Variants in NXPH1 observed in about 807,000 individuals in gnomAD.
The protein encoded by NXPH1 is neurexophilin 1.
In NXPH1, 5 loss-of-function variants were observed where a neutral mutation model predicts 23.7. The ratio of observed to expected loss-of-function variants is 0.21; its 90% CI spans 0.11 to 0.44. NXPH1 has a LOEUF of 0.44. Ranked by LOEUF, NXPH1 falls within the 20% of genes least tolerant of loss-of-function variation. The pLI, the probability that NXPH1 is intolerant of heterozygous loss-of-function variation, is 0.99. For synonymous variants in NXPH1, 144 were observed against 122.2 expected (o/e 1.18, Z -1.18); for missense variants, 324 against 321.6 (o/e 1.01, Z -0.06).
chr7:8,563,089 G>A (rs1818475641), intron 2 of NXPH1, among the ~76,000 whole-genome samples: 1 of 151,646 alleles, frequency 6.6e-6, no homozygotes, highest in South Asian at 2.1e-4. Flanking sequence ...ATGCAAGATA[G>A]AACATTGACT....
intron 2 of NXPH1, among the ~76,000 whole-genome samples, chr7:8,483,815 T>G (rs1817113575): frequency 6.6e-6 from 1 of 152,144 alleles, no homozygotes. Flanking sequence ...CCATAGAAGT[T>G]TTAACATTCT....
At chr7:8,519,832 A>C (rs1047988959) in intron 2 of NXPH1, among the ~76,000 whole-genome samples, 25 of 152,310 alleles carry the variant, frequency 1.6e-4, no homozygotes, top group African/African-American at 6.0e-4. Context: ...ACATATATTT[A>C]TACACATGTA....
intron 2 of NXPH1, among the ~76,000 whole-genome samples, chr7:8,692,328 A>G (rs1821234753): frequency 6.6e-6 from 1 of 152,148 alleles, no homozygotes. Flanking sequence ...AGATTATTGA[A>G]AAGCTATTGC....
intron 2 of NXPH1, among the ~76,000 whole-genome samples, chr7:8,443,131 C>T (rs1816331127): frequency 6.6e-6 from 1 of 152,228 alleles, no homozygotes; most frequent in Non-Finnish European, 1.5e-5. Context: ...TGTGACGACC[C>T]GCCTACCCCT....
At chr7:8,483,989 T>G in intron 2 of NXPH1, among the ~76,000 whole-genome samples, 1 of 149,818 alleles carries the variant, frequency 6.7e-6, no homozygotes, top group Non-Finnish European at 1.5e-5. Flanking sequence ...TTTTAAGAAG[T>G]AGACCATAGA....
chr7:8,473,658 A>C (rs1816911530), intron 2 of NXPH1, among the ~76,000 whole-genome samples: 1 of 151,100 alleles, frequency 6.6e-6, no homozygotes, highest in Admixed American at 6.6e-5. Context: ...AAATAAGCTT[A>C]TATTATCATT....
intron 2 of NXPH1, among the ~76,000 whole-genome samples, chr7:8,485,331 CT>C (rs1817141389): frequency 1.3e-5 from 2 of 152,214 alleles, no homozygotes; most frequent in African/African-American, 4.8e-5. Flanking sequence ...TCCATTAAAC[CT>C]TTTTCTTTTA....
At position 8,704,466 on chromosome 7, in the gene NXPH1, C is replaced by G. The variant is rs61272010; in HGVS notation, c.55-46542C>G. On this transcript the variant is annotated intron_variant, in intron 2 of 2. Coordinates refer to ENST00000405863, the MANE Select transcript of NXPH1 (RefSeq NM_152745.3). ...GAGAAATACATTGACAAATAGAATG[C>G]CCCAGAAGTCACTCTCTTCTATAAG... 4.9e-3 allele frequency among the ~76,000 whole-genome samples: 740 copies of G among 152,148 alleles called. 5 individuals are homozygous for G. Among genetic ancestry groups the G allele is most frequent in the African/African-American group, 0.017 (702 of 41,516 alleles).
intron 2 of NXPH1, among the ~76,000 whole-genome samples, chr7:8,495,771 T>G (rs1817323264): frequency 6.6e-6 from 1 of 151,998 alleles, no homozygotes; most frequent in African/African-American, 2.4e-5. Context: ...TCCTTGCATG[T>G]GGGAGAAAGA....
At chr7:8,717,400 CTG>C (rs1779894889) in intron 2 of NXPH1, among the ~76,000 whole-genome samples, 1 of 152,228 alleles carries the variant, frequency 6.6e-6, no homozygotes, top group East Asian at 1.9e-4. Flanking sequence ...AATTGACTGA[CTG>C]ATCTTTAGTG....
intron 2 of NXPH1, among the ~76,000 whole-genome samples, chr7:8,522,832 A>C (rs6959052): frequency 0.69 from 104,631 of 151,968 alleles, 36,261 homozygotes; most frequent in African/African-American, 0.77. Flanking sequence ...TTATATTATG[A>C]TCTGAGTTCA....
intron 2 of NXPH1, among the ~76,000 whole-genome samples, chr7:8,669,884 C>G (rs1458537028): frequency 6.6e-6 from 1 of 152,088 alleles, no homozygotes; most frequent in African/African-American, 2.4e-5. Context: ...TTCCTTAGCT[C>G]TTGTAAAAAT....
At position 8,702,391 on chromosome 7, in the gene NXPH1, G is replaced by A. The variant is rs73245434; in HGVS notation, c.55-48617G>A. 1.6e-3 allele frequency among the ~76,000 whole-genome samples: 246 copies of A among 152,072 alleles called. 1 individual carries two copies. The highest frequency in any genetic ancestry group is 5.5e-3 in the African/African-American group (230 of 41,514). On this transcript the variant is annotated intron_variant, in intron 2 of 2. Coordinates refer to ENST00000405863, the MANE Select transcript of NXPH1 (RefSeq NM_152745.3). ...TGTTATGTTTCACTTATTCAAACCC[G>A]ATATTTATTTGAGGAATTAGCTAAG...
chr7:8,537,045 A>G (rs1197471858), intron 2 of NXPH1, among the ~76,000 whole-genome samples: 24 of 151,976 alleles, frequency 1.6e-4, no homozygotes, highest in Admixed American at 1.6e-3. Context: ...TGCATTTATT[A>G]TGATGTTTGG....
intron 2 of NXPH1, among the ~76,000 whole-genome samples, chr7:8,588,547 G>A (rs766743062): frequency 6.6e-6 from 1 of 152,114 alleles, no homozygotes; most frequent in Non-Finnish European, 1.5e-5. Context: ...GGGGAATATG[G>A]TTGTTCAAGG....
At chr7:8,651,936 T>G (rs1360823690) in intron 2 of NXPH1, among the ~76,000 whole-genome samples, 1 of 152,202 alleles carries the variant, frequency 6.6e-6, no homozygotes, top group Non-Finnish European at 1.5e-5. Flanking sequence ...TTTTCCTACT[T>G]TGTCTTATTC....
At chr7:8,445,927 A>C (rs979801818) in intron 2 of NXPH1, among the ~76,000 whole-genome samples, 1 of 152,204 alleles carries the variant, frequency 6.6e-6, no homozygotes, top group Non-Finnish European at 1.5e-5. Context: ...ATGATAGCTG[A>C]AATTTTAGTC....
intron 2 of NXPH1, among the ~76,000 whole-genome samples, chr7:8,453,371 A>G (rs1816539516): frequency 6.6e-6 from 1 of 152,106 alleles, no homozygotes; most frequent in Non-Finnish European, 1.5e-5. Flanking sequence ...AACATGCACA[A>G]TCACCAAAAA....
chr7:8,713,732 G>A (rs1353642859), intron 2 of NXPH1, among the ~76,000 whole-genome samples: 1 of 152,188 alleles, frequency 6.6e-6, no homozygotes, highest in Admixed American at 6.5e-5. Context: ...TATCACCTTG[G>A]TGGTCTTGGA....
Sources: gnomAD v4.1 joint callset for allele counts (sites outside exome capture counted in the v4.1 genomes callset) on GRCh38, gnomAD v4.1.1 for gene constraint, MANE v1.5 for transcripts, NCBI Gene and HGNC (gene_info 2026-07-23, HGNC 2026-07-21) for gene names.